Variants in PCDHA6 observed in about 807,000 individuals in gnomAD.
PCDHA6 encodes the protein protocadherin alpha-6.
PCDHA6 carries 55 observed loss-of-function variants against 60.3 expected under a neutral mutation model. The observed-to-expected ratio is 0.91, with a 90% confidence interval of 0.73 to 1.14. The LOEUF is 1.14. Ranked by LOEUF, PCDHA6 falls within the 50% of genes most tolerant of loss-of-function variation. The pLI is 0.00. For missense variants in PCDHA6, 1,327 were observed against 1,256.5 expected (o/e 1.06, Z -0.85); for synonymous variants, 652 against 557.9 (o/e 1.17, Z -2.38).
chr5:140,960,111 A>G (rs1554224465), intron 1 of PCDHA6, among the ~76,000 whole-genome samples: 1 of 152,256 alleles, frequency 6.6e-6, no homozygotes, highest in African/African-American at 2.4e-5. Flanking sequence ...TGTGGGAACA[A>G]TAGTATTCCT....
chr5:140,881,301 A>C (rs1432436745), intron 1 of PCDHA6: 2 of 957,940 alleles, frequency 2.1e-6, no homozygotes, highest in Admixed American at 1.2e-4. Context: ...TGGAAACTTT[A>C]ACCTCCTGGT....
intron 1 of PCDHA6, among the ~76,000 whole-genome samples, chr5:140,912,893 T>C (rs1346036777): frequency 6.6e-6 from 1 of 152,262 alleles, no homozygotes; most frequent in East Asian, 1.9e-4. Context: ...TCTGTTGATA[T>C]GATGTATCAT....
intron 1 of PCDHA6, chr5:140,928,628 T>G: frequency 6.2e-7 from 1 of 1,614,222 alleles, no homozygotes; most frequent in Non-Finnish European, 8.5e-7. Context: ...ACTGGACACT[T>G]GGTCACAAAA....
rs782163731 is a variant in PCDHA6, at chr5:140,869,573, C to A, written c.2394+39088C>A. 8 of 1,614,154 alleles carry A rather than the reference C, an allele frequency of 5.0e-6. No homozygotes were observed. In the East Asian group the frequency reaches 1.8e-4, roughly 36 times the overall value. ...GACTCGCGTTTTCCACTAGAGGGAG[C>A]TTCTGATGCTGACATTGAAGAGAAT... On this transcript the variant is annotated intron_variant, in intron 1 of 3. Coordinates refer to ENST00000529310, the MANE Select transcript of PCDHA6 (RefSeq NM_018909.4).
At chr5:140,922,385 C>A (rs1267053151) in intron 1 of PCDHA6, among the ~76,000 whole-genome samples, 5 of 152,156 alleles carry the variant, frequency 3.3e-5, no homozygotes, top group Non-Finnish European at 7.4e-5. Context: ...AAACCAAAGA[C>A]TCCTTGTTTT....
Position 141,002,117 on chromosome 5 carries a change from C to T in PCDHA6, c.2543-7510C>T, listed in dbSNP as rs74680186. Among the ~76,000 whole-genome samples, 37 of 152,378 alleles carry T rather than the reference C, an allele frequency of 2.4e-4. 1 individual carries two copies. The East Asian group carries it at 6.0e-3, about 25-fold the overall frequency. ...GGGCTGGGCCGGAAACGGCTATAAT[C>T]ATTTAATAGCCTTTGCCGGCTGCAC... On this transcript the variant is annotated intron_variant, in intron 3 of 3. Transcript: ENST00000529310.
chr5:140,918,579 G>A (rs1396239560), intron 1 of PCDHA6, among the ~76,000 whole-genome samples: 1 of 152,112 alleles, frequency 6.6e-6, no homozygotes, highest in Admixed American at 6.5e-5. Flanking sequence ...GCTGCTATTG[G>A]CTATATGTTC....
At chr5:140,990,284 T>C (rs2097384646) in intron 3 of PCDHA6, among the ~76,000 whole-genome samples, 1 of 152,142 alleles carries the variant, frequency 6.6e-6, no homozygotes, top group African/African-American at 2.4e-5. Flanking sequence ...GGTCTTGAGA[T>C]TATCGATGCC....
chr5:140,835,891 C>T lies in PCDHA6; in HGVS notation c.2394+5406C>T. The T allele has an allele frequency of 6.2e-7, 1 of 1,611,968 alleles. No homozygotes were observed. The highest frequency in any genetic ancestry group is 2.2e-5 in the East Asian group (1 of 44,826). ...GTGGAGCTGCGGGTGGGCGAGCGCG[C>T]GCTGTCGAGCTACGTGTCAGTGCAC... is the stretch of plus-strand genomic sequence containing the variant. On this transcript the variant is annotated intron_variant, in intron 1 of 3. Coordinates refer to ENST00000529310, the MANE Select transcript of PCDHA6 (RefSeq NM_018909.4).
chr5:140,946,517 G>A (rs138420578), intron 1 of PCDHA6, among the ~76,000 whole-genome samples: 8 of 151,024 alleles, frequency 5.3e-5, no homozygotes, highest in Admixed American at 1.3e-4. Flanking sequence ...AGACCTATCC[G>A]CACTCCCATG....
At chr5:140,923,785 C>T (rs2081509867) in intron 1 of PCDHA6, among the ~76,000 whole-genome samples, 1 of 152,156 alleles carries the variant, frequency 6.6e-6, no homozygotes, top group African/African-American at 2.4e-5. Flanking sequence ...ATGGTTTCTT[C>T]ATTCTTTTCA....
chr5:140,862,363 C>T, intron 1 of PCDHA6: 1 of 339,946 alleles, frequency 2.9e-6, no homozygotes, highest in Non-Finnish European at 5.8e-6. Context: ...GACAGACGAC[C>T]CGCACCCTGA....
At chr5:140,867,519 G>T (rs1028879679) in intron 1 of PCDHA6, 3 of 152,018 alleles carry the variant, frequency 2.0e-5, no homozygotes, top group Admixed American at 1.3e-4. Context: ...CAAATTAATA[G>T]TTGAATATAT....
chr5:140,929,161 C>T lies in PCDHA6; in HGVS notation c.2395-49788C>T. On this transcript the variant is annotated intron_variant, in intron 1 of 3. Transcript: ENST00000529310. ...GAGACTTTCTCAGACTTATCTCTAT[C>T]GGGCCTCTCTGGGACTTGGTTCTGA... 2 of 1,614,136 alleles carry T rather than the reference C, an allele frequency of 1.2e-6. No homozygotes were observed. The highest frequency in any genetic ancestry group is 1.7e-6 in the Non-Finnish European group (2 of 1,180,028).
At chr5:140,997,986 A>C (rs1554256110) in intron 3 of PCDHA6, among the ~76,000 whole-genome samples, 2 of 152,186 alleles carry the variant, frequency 1.3e-5, no homozygotes, top group African/African-American at 4.8e-5. Flanking sequence ...CACTTGTTAC[A>C]TACTTCCCTC....
At chr5:140,939,060 A>G (rs1435006375) in intron 1 of PCDHA6, among the ~76,000 whole-genome samples, 1 of 152,208 alleles carries the variant, frequency 6.6e-6, no homozygotes, top group Non-Finnish European at 1.5e-5. Flanking sequence ...TTGGGCTGCT[A>G]TATCAAAATA....
At chr5:140,836,381 G>T (rs2150259346) in intron 1 of PCDHA6, 8 of 1,613,746 alleles carry the variant, frequency 5.0e-6, no homozygotes, top group South Asian at 1.1e-5. Context: ...CCACCGTGCT[G>T]GTGTCGCTGG....
chr5:140,905,593 G>C (rs781937038), intron 1 of PCDHA6, among the ~76,000 whole-genome samples: 1 of 152,072 alleles, frequency 6.6e-6, no homozygotes, highest in Non-Finnish European at 1.5e-5. Context: ...TATTTTGCTG[G>C]GAATTGCATT....
At chr5:140,883,781 T>C (rs1156481556) in intron 1 of PCDHA6, 1 of 1,612,432 alleles carries the variant, frequency 6.2e-7, no homozygotes, top group Non-Finnish European at 8.5e-7. Flanking sequence ...GCGTGCGCTG[T>C]CGAGCTACGT....
Sources: gnomAD v4.1 joint callset for allele counts (sites outside exome capture counted in the v4.1 genomes callset) on GRCh38, gnomAD v4.1.1 for gene constraint, MANE v1.5 for transcripts, NCBI Gene and HGNC (gene_info 2026-07-23, HGNC 2026-07-21) for gene names.